MPP7: variants seen among roughly 807,000 people sequenced by gnomAD.
MPP7 encodes the protein MAGUK p55 subfamily member 7.
A neutral mutation model predicts 76.5 loss-of-function variants in MPP7; 60 were observed. That is an observed-to-expected ratio of 0.78 (90% CI 0.64 to 0.97). The LOEUF is 0.97. MPP7 is among the 50% of genes least tolerant of loss of function. The pLI, the probability that MPP7 is intolerant of heterozygous loss-of-function variation, is 0.00. For missense variants in MPP7, 641 were observed against 694.0 expected, an observed-to-expected ratio of 0.92 and a Z score of 0.86; for synonymous variants, 237 against 244.5, an observed-to-expected ratio of 0.97 and a Z score of 0.29.
chr10:28,222,199 T>TAA (rs561035603), intron 2 of MPP7, among the ~76,000 whole-genome samples: 2 of 142,530 alleles, frequency 1.4e-5, no homozygotes, highest in Admixed American at 7.0e-5. Flanking sequence ...GTACTACGAT[T>TAA]AAAAAAAAAA....
At chr10:28,113,389 C>T (rs1346129170) in intron 11 of MPP7, among the ~76,000 whole-genome samples, 15 of 152,150 alleles carry the variant, frequency 9.9e-5, no homozygotes, top group Non-Finnish European at 1.5e-4. Context: ...TCATGCACCC[C>T]TGCTATTTCA....
intron 2 of MPP7, 36 bp downstream of exon 2, chr10:28,238,532 G>A (rs770499068): frequency 6.2e-7 from 1 of 1,608,582 alleles, no homozygotes; most frequent in Non-Finnish European, 8.5e-7. Flanking sequence ...TTTAAGCAAA[G>A]ATGGAATGAG....
intron 2 of MPP7, among the ~76,000 whole-genome samples, chr10:28,323,109 AC>A (rs1341959587): frequency 1.6e-4 from 24 of 152,060 alleles, no homozygotes; most frequent in African/African-American, 5.8e-4. Flanking sequence ...ACACGGTGAA[AC>A]CCCGTCTCTA....
intron 2 of MPP7, among the ~76,000 whole-genome samples, chr10:28,209,308 A>AT (rs1838052091): frequency 6.6e-6 from 1 of 152,072 alleles, no homozygotes; most frequent in African/African-American, 2.4e-5. Flanking sequence ...TACCAAAAAA[A>AT]AATTTTATGT....
intron 1 of MPP7, among the ~76,000 whole-genome samples, chr10:28,263,690 G>GAA (rs1208067483): frequency 6.6e-6 from 1 of 152,198 alleles, no homozygotes; most frequent in African/African-American, 2.4e-5. Flanking sequence ...AGGATGGCAG[G>GAA]GGAGGGGCAG....
chr10:28,113,872 G>A (rs1252587924), intron 11 of MPP7, among the ~76,000 whole-genome samples: 1 of 152,168 alleles, frequency 6.6e-6, no homozygotes, highest in East Asian at 1.9e-4. Context: ...AAATGGGCAG[G>A]AGAGAGGTCG....
chr10:28,181,279 A>G (rs752439442), intron 3 of MPP7, among the ~76,000 whole-genome samples: 3 of 152,216 alleles, frequency 2.0e-5, no homozygotes, highest in Non-Finnish European at 2.9e-5. Context: ...ATTTCCTTTG[A>G]TAGTCTATTA....
At chr10:28,284,494 C>T (rs1045979133) in intron 1 of MPP7, among the ~76,000 whole-genome samples, 12 of 152,186 alleles carry the variant, frequency 7.9e-5, no homozygotes, top group African/African-American at 2.7e-4. Flanking sequence ...AGAAAGTTGC[C>T]TTCCCTTCCT....
chr10:28,212,831 G>C (rs1216969631), intron 2 of MPP7, among the ~76,000 whole-genome samples: 2 of 152,198 alleles, frequency 1.3e-5, no homozygotes, highest in Admixed American at 1.3e-4. Context: ...GCAATGCGCA[G>C]GGTACTGACT....
chr10:28,173,344 A>T (rs1164685438), intron 3 of MPP7, among the ~76,000 whole-genome samples: 1 of 152,218 alleles, frequency 6.6e-6, no homozygotes, highest in African/African-American at 2.4e-5. Context: ...TCAACAATGT[A>T]CTTAGAGGTC....
chr10:28,287,570 A>G (rs775595674), intron 1 of MPP7, among the ~76,000 whole-genome samples: 1 of 152,184 alleles, frequency 6.6e-6, no homozygotes, highest in African/African-American at 2.4e-5. Flanking sequence ...GCTCATGGAA[A>G]TAAATGTTAG....
intron 11 of MPP7, among the ~76,000 whole-genome samples, chr10:28,112,204 C>T (rs1057348035): frequency 2.6e-5 from 4 of 152,124 alleles, no homozygotes; most frequent in East Asian, 1.9e-4. Flanking sequence ...AAGAAATAAA[C>T]GATATGATGT....
chr10:28,235,176 G>C (rs1397126896), intron 2 of MPP7, among the ~76,000 whole-genome samples: 1 of 151,912 alleles, frequency 6.6e-6, no homozygotes, highest in Non-Finnish European at 1.5e-5. Flanking sequence ...ATGTAATATG[G>C]TATTACGAAT....
At chr10:28,285,759 C>T (rs1156278155) in intron 1 of MPP7, among the ~76,000 whole-genome samples, 1 of 151,918 alleles carries the variant, frequency 6.6e-6, no homozygotes, top group Non-Finnish European at 1.5e-5. Flanking sequence ...AAATCAAGAT[C>T]TGATTACTAT....
chr10:28,258,970 G>A (rs1839870109), intron 1 of MPP7, among the ~76,000 whole-genome samples: 1 of 152,120 alleles, frequency 6.6e-6, no homozygotes, highest in African/African-American at 2.4e-5. Context: ...GAGCCTTTGT[G>A]TAACATGTCT....
chr10:28,161,770 C>G (rs1227063077), intron 3 of MPP7, among the ~76,000 whole-genome samples: 2 of 152,118 alleles, frequency 1.3e-5, no homozygotes, highest in Non-Finnish European at 2.9e-5. Context: ...ACTTTTCACT[C>G]AATAGAAAAT....
At chr10:28,235,452 A>G (rs1325529299) in intron 2 of MPP7, among the ~76,000 whole-genome samples, 2 of 152,190 alleles carry the variant, frequency 1.3e-5, no homozygotes, top group African/African-American at 4.8e-5. Context: ...CAGATCATAC[A>G]GCCAAGAAAG....
chr10:28,242,103 A>G (rs1168154999), intron 1 of MPP7, among the ~76,000 whole-genome samples: 1 of 152,200 alleles, frequency 6.6e-6, no homozygotes, highest in Non-Finnish European at 1.5e-5. Flanking sequence ...CAGTTAATAT[A>G]TATCAACAAG....
chr10:28,209,007 C>G (rs551385097), intron 2 of MPP7, among the ~76,000 whole-genome samples: 1 of 151,992 alleles, frequency 6.6e-6, no homozygotes, highest in Non-Finnish European at 1.5e-5. Flanking sequence ...CACCTCCCCC[C>G]ACTCACTTCC....
Sources: gnomAD v4.1 joint callset for allele counts (sites outside exome capture counted in the v4.1 genomes callset) on GRCh38, gnomAD v4.1.1 for gene constraint, MANE v1.5 for transcripts, NCBI Gene and HGNC (gene_info 2026-07-23, HGNC 2026-07-21) for gene names.